The following RANBP2 variants were observed in gnomAD, a reference collection of about 807,000 sequenced individuals.
RANBP2 encodes the protein RAN binding protein 2.
Under a neutral mutation model 303.6 loss-of-function variants are expected in RANBP2, and 57 were observed. The observed-to-expected ratio is 0.19, with a 90% CI of 0.15 to 0.23. The LOEUF (loss-of-function observed/expected upper bound fraction) is 0.23. RANBP2 is among the 10% of genes least tolerant of loss of function. The pLI is 1.00. For missense variants in RANBP2, 3,138 were observed against 3,780.8 expected, an observed-to-expected ratio of 0.83 and a Z score of 4.46; for synonymous variants, 1,167 against 1,301.5, an observed-to-expected ratio of 0.90 and a Z score of 2.23.
chr2:108,736,463 C>T (rs1247900744), intron 6 of RANBP2, among the ~76,000 whole-genome samples: 1 of 152,096 alleles, frequency 6.6e-6, no homozygotes. Context: ...TTAGAGAACT[C>T]TTATAGTTCA....
the RANBP2 span, among the ~76,000 whole-genome samples, chr2:108,837,694 T>C: frequency 8.3e-4 from 126 of 152,318 alleles, 2 homozygotes; most frequent in Middle Eastern, 3.4e-3. Context: ...TACATAATAC[T>C]TGATCATAAA....
At chr2:108,917,921 G>A in the RANBP2 span, among the ~76,000 whole-genome samples, 19 of 151,950 alleles carry the variant, frequency 1.3e-4, no homozygotes, top group South Asian at 3.9e-3. Flanking sequence ...TTTTCCAGGC[G>A]AGTCAGAAAA....
At chr2:108,964,831 G>T in the RANBP2 span, among the ~76,000 whole-genome samples, 7 of 152,278 alleles carry the variant, frequency 4.6e-5, no homozygotes, top group Non-Finnish European at 8.8e-5. Flanking sequence ...GAGAGCCACA[G>T]ACCCCAAATG....
the RANBP2 span, among the ~76,000 whole-genome samples, chr2:109,221,567 G>A: frequency 6.8e-6 from 1 of 146,672 alleles, no homozygotes; most frequent in Non-Finnish European, 1.5e-5. Flanking sequence ...GGGTGACAGG[G>A]TGAGACTCCA....
chr2:109,256,228 TG>T, the RANBP2 span, among the ~76,000 whole-genome samples: 1 of 152,190 alleles, frequency 6.6e-6, no homozygotes, highest in Admixed American at 6.5e-5. Flanking sequence ...ACCCCACAGT[TG>T]GAGAGCCTGC....
At chr2:108,943,928 A>C in the RANBP2 span, among the ~76,000 whole-genome samples, 1 of 152,214 alleles carries the variant, frequency 6.6e-6, no homozygotes, top group Non-Finnish European at 1.5e-5. Flanking sequence ...CTTCCAAAAC[A>C]GGGAGACAGG....
chr2:109,105,844 C>T, the RANBP2 span, among the ~76,000 whole-genome samples: 4 of 149,276 alleles, frequency 2.7e-5, no homozygotes, highest in African/African-American at 4.9e-5. Context: ...CGTGAGCCAC[C>T]GCGCCTGGTC....
At chr2:109,102,273 T>C in the RANBP2 span, among the ~76,000 whole-genome samples, 1 of 151,950 alleles carries the variant, frequency 6.6e-6, no homozygotes, top group Admixed American at 6.5e-5. Context: ...GCCAATTTTT[T>C]GTATTTTTAG....
At chr2:109,202,225 CAG>C in the RANBP2 span, among the ~76,000 whole-genome samples, 1 of 152,148 alleles carries the variant, frequency 6.6e-6, no homozygotes, top group Non-Finnish European at 1.5e-5. Flanking sequence ...CTGTGGACTG[CAG>C]AGTGAGGATG....
the RANBP2 span, among the ~76,000 whole-genome samples, chr2:109,688,558 C>A: frequency 6.6e-6 from 1 of 151,994 alleles, no homozygotes; most frequent in Admixed American, 6.5e-5. Context: ...GGGTGGATCA[C>A]GAGGTCAAGA....
At chr2:109,760,142 G>A in the RANBP2 span, among the ~76,000 whole-genome samples, 2 of 138,518 alleles carry the variant, frequency 1.4e-5, no homozygotes, top group Non-Finnish European at 3.1e-5. Flanking sequence ...TATGTAGGCA[G>A]GAGGATGCGG....
chr2:109,203,204 C>T, the RANBP2 span, among the ~76,000 whole-genome samples: 5 of 152,188 alleles, frequency 3.3e-5, no homozygotes, highest in Non-Finnish European at 7.3e-5. Flanking sequence ...GCAAGAAGGA[C>T]CCTGCAGAGA....
the RANBP2 span, among the ~76,000 whole-genome samples, chr2:108,853,193 T>C: frequency 6.6e-6 from 1 of 152,210 alleles, no homozygotes; most frequent in Non-Finnish European, 1.5e-5. Context: ...TCTTGGACTT[T>C]GCTGGCATTG....
the RANBP2 span, among the ~76,000 whole-genome samples, chr2:109,668,282 A>G: frequency 1.2e-3 from 177 of 152,334 alleles, no homozygotes; most frequent in African/African-American, 3.8e-3. Flanking sequence ...ATTATTTTGT[A>G]CTATAAAAAT....
At chr2:109,281,573 G>A in the RANBP2 span, among the ~76,000 whole-genome samples, 1 of 152,204 alleles carries the variant, frequency 6.6e-6, no homozygotes, top group Admixed American at 6.5e-5. Flanking sequence ...GGAGAGTTAA[G>A]GATGGGAGCC....
At chr2:109,651,955 C>G in the RANBP2 span, among the ~76,000 whole-genome samples, 1 of 152,228 alleles carries the variant, frequency 6.6e-6, no homozygotes, top group Non-Finnish European at 1.5e-5. Flanking sequence ...TGCAGCCCCA[C>G]TCTCACCAGG....
At chr2:109,516,853 G>T in the RANBP2 span, among the ~76,000 whole-genome samples, 1 of 152,176 alleles carries the variant, frequency 6.6e-6, no homozygotes, top group Non-Finnish European at 1.5e-5. Flanking sequence ...GATATTTTTA[G>T]TGCAAAGAAT....
the RANBP2 span, among the ~76,000 whole-genome samples, chr2:109,457,566 G>A: frequency 6.6e-6 from 1 of 152,234 alleles, no homozygotes; most frequent in Non-Finnish European, 1.5e-5. Context: ...CACACGAGCT[G>A]AACAAGCAAG....
chr2:109,493,041 C>A, the RANBP2 span, among the ~76,000 whole-genome samples: 1 of 151,888 alleles, frequency 6.6e-6, no homozygotes, highest in African/African-American at 2.4e-5. Flanking sequence ...CAAACACATA[C>A]CCCACATACA....
Sources: allele counts gnomAD v4.1 joint callset (sites outside exome capture counted in the v4.1 genomes callset), GRCh38; gene constraint gnomAD v4.1.1; transcripts MANE v1.5; gene names NCBI Gene and HGNC (gene_info 2026-07-23, HGNC 2026-07-21).